The following HSDL2 variants were observed in gnomAD, a reference collection of about 807,000 sequenced individuals.
HSDL2 encodes the protein hydroxysteroid dehydrogenase-like protein 2.
A neutral mutation model predicts 46.3 loss-of-function variants in HSDL2; 27 were observed. The observed-to-expected ratio is 0.58, with a 90% confidence interval of 0.43 to 0.80. The LOEUF is 0.80. Among genes scored for constraint, HSDL2 ranks in the 30% least tolerant of loss-of-function variants. HSDL2 has a pLI of 0.00. For missense variants in HSDL2, 451 were observed against 502.7 expected, an observed-to-expected ratio of 0.90 and a Z score of 0.98; for synonymous variants, 153 against 163.6, an observed-to-expected ratio of 0.94 and a Z score of 0.50.
At chr9:112,458,527 A>G (rs1186137424) in intron 9 of HSDL2, among the ~76,000 whole-genome samples, 1 of 151,514 alleles carries the variant, frequency 6.6e-6, no homozygotes, top group Non-Finnish European at 1.5e-5. Flanking sequence ...GGGTTTCACC[A>G]TGTTGGCCAG....
intron 1 of HSDL2, among the ~76,000 whole-genome samples, chr9:112,380,950 C>A (rs962094059): frequency 2.6e-5 from 4 of 152,180 alleles, no homozygotes; most frequent in African/African-American, 9.7e-5. Context: ...CTGAAACATG[C>A]AGGCATATAG....
At chr9:112,401,935 C>T (rs1831609326) in intron 1 of HSDL2, among the ~76,000 whole-genome samples, 1 of 152,196 alleles carries the variant, frequency 6.6e-6, no homozygotes, top group African/African-American at 2.4e-5. Context: ...CTCCCTCCTT[C>T]TTACCAAACA....
chr9:112,424,834 AT>A (rs1459331547), intron 6 of HSDL2, among the ~76,000 whole-genome samples: 2 of 151,484 alleles, frequency 1.3e-5, no homozygotes, highest in South Asian at 4.1e-4. Context: ...ATATTTTCTA[AT>A]TTGTTAAAGT....
chr9:112,389,202 T>A (rs1005863527), intron 1 of HSDL2, among the ~76,000 whole-genome samples: 1 of 152,118 alleles, frequency 6.6e-6, no homozygotes, highest in African/African-American at 2.4e-5. Context: ...AATTTTTTAA[T>A]TTTGTAGAGA....
intron 10 of HSDL2, among the ~76,000 whole-genome samples, chr9:112,461,097 A>G (rs1479784348): frequency 2.0e-5 from 3 of 148,296 alleles, no homozygotes; most frequent in African/African-American, 7.5e-5. Context: ...TTTTTTTGAG[A>G]CGGAGTTTTG....
intron 1 of HSDL2, among the ~76,000 whole-genome samples, chr9:112,385,645 C>G (rs1325265028): frequency 1.3e-5 from 2 of 152,000 alleles, no homozygotes; most frequent in Non-Finnish European, 2.9e-5. Context: ...TGCCACCACG[C>G]CTGGCCGATT....
intron 7 of HSDL2, 65 bp from the exon 8 acceptor site, chr9:112,441,634 A>G (rs1194957320): frequency 2.8e-6 from 3 of 1,065,586 alleles, no homozygotes; most frequent in Non-Finnish European, 4.3e-6. Flanking sequence ...TGTTTATTAA[A>G]CAGATGTTAA....
chr9:112,382,191 C>T (rs188355856), intron 1 of HSDL2, among the ~76,000 whole-genome samples: 9 of 152,282 alleles, frequency 5.9e-5, no homozygotes, highest in Admixed American at 3.3e-4. Flanking sequence ...AACCTGGAGG[C>T]GGAGGTGGCA....
chr9:112,463,770 C>T (rs549537388), intron 10 of HSDL2, among the ~76,000 whole-genome samples: 2 of 152,206 alleles, frequency 1.3e-5, no homozygotes, highest in African/African-American at 4.8e-5. Context: ...AAGCAATTCT[C>T]ATGTCTCAGC....
At chr9:112,383,638 G>T (rs371450115) in intron 1 of HSDL2, among the ~76,000 whole-genome samples, 2 of 152,190 alleles carry the variant, frequency 1.3e-5, no homozygotes, top group African/African-American at 4.8e-5. Context: ...CACATATAGC[G>T]CTCTGTTTCT....
intron 8 of HSDL2, among the ~76,000 whole-genome samples, chr9:112,446,901 G>A (rs1186472428): frequency 6.6e-6 from 1 of 152,180 alleles, no homozygotes; most frequent in African/African-American, 2.4e-5. Context: ...TCTGATCTTA[G>A]TTGGTACAAG....
chr9:112,394,592 T>C lies in HSDL2; in HGVS notation c.18-9403T>C, dbSNP rs550374659. ...CCTCAAAATTTTTAGGACATAGTTT[T>C]CCTATGGGTTTATATTGAAAATATG... On this transcript the variant is annotated intron_variant, in intron 1 of 10. Transcript: ENST00000398805. Among the ~76,000 whole-genome samples, 13 of 152,290 alleles carry C rather than the reference T, an allele frequency of 8.5e-5. No homozygotes were observed. In the East Asian group the frequency reaches 2.5e-3, roughly 29 times the overall value.
At chr9:112,404,752 T>A (rs1831687251) in intron 2 of HSDL2, among the ~76,000 whole-genome samples, 1 of 152,228 alleles carries the variant, frequency 6.6e-6, no homozygotes, top group African/African-American at 2.4e-5. Flanking sequence ...GGCATAGCGC[T>A]AGGCACAGAG....
At chr9:112,432,698 A>G (rs1832436143) in intron 6 of HSDL2, among the ~76,000 whole-genome samples, 1 of 152,184 alleles carries the variant, frequency 6.6e-6, no homozygotes, top group South Asian at 2.1e-4. Flanking sequence ...CCTAGACTTG[A>G]TGACACACTA....
At chr9:112,425,433 T>C (rs186310327) in intron 6 of HSDL2, among the ~76,000 whole-genome samples, 50 of 152,308 alleles carry the variant, frequency 3.3e-4, no homozygotes, top group Admixed American at 1.6e-3. Context: ...CCCTTAGTGG[T>C]TTACAAATTT....
chr9:112,446,646 C>T (rs746841617), intron 8 of HSDL2, among the ~76,000 whole-genome samples: 1 of 152,060 alleles, frequency 6.6e-6, no homozygotes, highest in Non-Finnish European at 1.5e-5. Context: ...CAACATGAAA[C>T]ACAACAAAAA....
At chr9:112,453,920 T>C (rs192027317) in intron 8 of HSDL2, 93 bp from the exon 9 acceptor site, 11 of 1,237,466 alleles carry the variant, frequency 8.9e-6, no homozygotes, top group Admixed American at 8.0e-5. Flanking sequence ...ATAGGTCTAA[T>C]TGGTGGCAAG....
chr9:112,398,927 C>T (rs1268798846), intron 1 of HSDL2, among the ~76,000 whole-genome samples: 1 of 151,562 alleles, frequency 6.6e-6, no homozygotes, highest in Non-Finnish European at 1.5e-5. Flanking sequence ...GCTTAGACTT[C>T]GTGTGACCCA....
chr9:112,445,159 A>G (rs977944934), intron 8 of HSDL2, among the ~76,000 whole-genome samples: 1 of 152,154 alleles, frequency 6.6e-6, no homozygotes, highest in Admixed American at 6.6e-5. Context: ...GATTACAGGC[A>G]TGAGCTATGG....
Sources: gnomAD v4.1 joint callset for allele counts (sites outside exome capture counted in the v4.1 genomes callset) on GRCh38, gnomAD v4.1.1 for gene constraint, MANE v1.5 for transcripts, NCBI Gene and HGNC (gene_info 2026-07-23, HGNC 2026-07-21) for gene names.